Variants in PSD2 observed in about 807,000 individuals in gnomAD.
PSD2 encodes pleckstrin and Sec7 domain containing 2.
Under a neutral mutation model 69.8 loss-of-function variants are expected in PSD2, and 38 were observed. The ratio of observed to expected loss-of-function variants is 0.54; its 90% CI spans 0.42 to 0.71. PSD2 has a LOEUF of 0.71. PSD2 is among the 30% of genes least tolerant of loss of function. The probability of loss-of-function intolerance (pLI) is 0.00; values close to 1 mark genes in which losing one functional copy is unlikely to be tolerated. For missense variants in PSD2, 943 were observed against 1,014.5 expected (o/e 0.93, Z 0.96); for synonymous variants, 412 against 423.0 (o/e 0.97, Z 0.32).
chr5:139,805,020 C>CGT (rs111560485), intron 1 of PSD2, among the ~76,000 whole-genome samples: 4 of 150,324 alleles, frequency 2.7e-5, no homozygotes, highest in East Asian at 2.0e-4. Flanking sequence ...TGAGTGTGTG[C>CGT]GTGTGTGTGT....
Position 139,837,065 on chromosome 5 carries a change from C to T in PSD2, c.1594+64C>T. 1.3e-6 allele frequency: 2 copies of T among 1,593,870 alleles called. No individual in the cohort carries two copies. The highest frequency in any genetic ancestry group is 1.3e-5 in the African/African-American group (1 of 74,736). Reference sequence around the variant, plus strand: ...TGGCACAGAGGGGGGCGCCACGGGCCACTCTTTGGGGACGAACATACAGGT... The same window carrying T: ...TGGCACAGAGGGGGGCGCCACGGGCTACTCTTTGGGGACGAACATACAGGT... On this transcript the variant is annotated intron_variant, in intron 10 of 14. Coordinates refer to ENST00000274710, the MANE Select transcript of PSD2 (RefSeq NM_032289.4). This position sits in a 1 kb window ranked among gnomAD's most constrained non-coding sequence, Gnocchi z 5.0.
chr5:139,833,680 C>T (rs751641035), intron 7 of PSD2, 22 bp from the exon 8 acceptor site: 4 of 1,588,134 alleles, frequency 2.5e-6, no homozygotes, highest in South Asian at 1.1e-5. Flanking sequence ...TACTCTTAGG[C>T]AGAACCATTT....
Position 139,842,496 on chromosome 5 carries a change from C to T in PSD2, c.*22C>T. On this transcript the variant is annotated 3_prime_UTR_variant, in exon 15 of 15. Coordinates refer to ENST00000274710, the MANE Select transcript of PSD2 (RefSeq NM_032289.4). ...TTAGCTGACATGGATTTGCAGACCC[C>T]AGGGTGGGCAGATGTCTCCAGTGGG... 1 of 1,605,086 alleles carries T rather than the reference C, an allele frequency of 6.2e-7. No homozygotes were observed.
intron 7 of PSD2, among the ~76,000 whole-genome samples, chr5:139,828,948 C>G (rs1203997455): frequency 7.2e-6 from 1 of 137,956 alleles, no homozygotes; most frequent in African/African-American, 2.7e-5. Flanking sequence ...TTCCTCTGCT[C>G]GGAGACAGAG....
At chr5:139,766,402 C>T in the PSD2 span, among the ~76,000 whole-genome samples, 6 of 152,170 alleles carry the variant, frequency 3.9e-5, no homozygotes, top group African/African-American at 1.4e-4. Context: ...TTTTCACCTG[C>T]CTGGGCCTGT....
chr5:139,800,011 A>G (rs897138242), intron 1 of PSD2, among the ~76,000 whole-genome samples: 2 of 152,132 alleles, frequency 1.3e-5, no homozygotes, highest in Non-Finnish European at 2.9e-5. Flanking sequence ...TCATTTTGAG[A>G]TGCAGGCAGA....
the PSD2 span, among the ~76,000 whole-genome samples, chr5:139,750,235 G>C: frequency 3.5e-4 from 54 of 152,284 alleles, no homozygotes; most frequent in East Asian, 0.01. Context: ...TGAGGCAGGA[G>C]AATGGGGTGA....
chr5:139,822,058 C>T, intron 6 of PSD2, 53 bp downstream of exon 6: 1 of 1,194,024 alleles, frequency 8.4e-7, no homozygotes, highest in South Asian at 1.4e-5. Flanking sequence ...CAGCCAGGCC[C>T]TGGTCCCCTC....
intron 4 of PSD2, among the ~76,000 whole-genome samples, chr5:139,816,036 G>A (rs1022662756): frequency 5.2e-5 from 7 of 135,228 alleles, no homozygotes; most frequent in African/African-American, 1.1e-4. Context: ...AAACAAACAC[G>A]AAAGCAGAGG....
chr5:139,817,063 C>G (rs1760138756), intron 4 of PSD2, among the ~76,000 whole-genome samples: 2 of 152,246 alleles, frequency 1.3e-5, no homozygotes, highest in African/African-American at 2.4e-5. Flanking sequence ...AAAATACAGA[C>G]TGACCATCCC....
rs371355544 is a variant in PSD2 at position 139,813,768 on chromosome 5, G to A, written c.821+10G>A. On this transcript the variant is annotated intron_variant, in intron 3 of 14. Coordinates refer to ENST00000274710, the MANE Select transcript of PSD2 (RefSeq NM_032289.4). ...TGCTGAACTCAGCCAGGTGAGGCAG[G>A]GCCCAGGCTGGGAGAACCACCGAGC... 3.8e-4 allele frequency: 607 copies of A among 1,587,056 alleles called. 1 individual carries two copies. Among genetic ancestry groups the A allele is most frequent in the Non-Finnish European group, 5.1e-4 (589 of 1,165,042 alleles).
At chr5:139,830,616 T>TTTTTTCTTTC (rs1760566047) in intron 7 of PSD2, among the ~76,000 whole-genome samples, 1 of 90,424 alleles carries the variant, frequency 1.1e-5, no homozygotes, top group Non-Finnish European at 2.1e-5. Context: ...TTCTCTTTCT[T>TTTTTTCTTTC]TCTTTCTTTC....
the PSD2 span, among the ~76,000 whole-genome samples, chr5:139,787,647 CA>C: frequency 6.6e-6 from 1 of 152,230 alleles, no homozygotes; most frequent in Non-Finnish European, 1.5e-5. Context: ...GCCCCGACCC[CA>C]AAAGAGCCCC....
At chr5:139,803,221 C>G (rs923362212) in intron 1 of PSD2, among the ~76,000 whole-genome samples, 2 of 152,344 alleles carry the variant, frequency 1.3e-5, no homozygotes, top group South Asian at 2.1e-4. Context: ...CTCTGGCCCC[C>G]CTCCTGGCCC....
At chr5:139,776,288 G>T in the PSD2 span, among the ~76,000 whole-genome samples, 2 of 152,226 alleles carry the variant, frequency 1.3e-5, no homozygotes, top group Admixed American at 6.5e-5. Context: ...TACAACCAGG[G>T]TCCCCCTAAA....
In PSD2 at chr5:139,837,887, TC is replaced by T; in HGVS notation, c.1823+107del. The T allele has an allele frequency of 1.8e-6, 2 of 1,136,140 alleles. No homozygotes were observed. Among genetic ancestry groups the T allele is most frequent in the Non-Finnish European group, 2.5e-6 (2 of 799,958 alleles). 70.4% of individuals were successfully genotyped at this position (1,136,140 alleles called of 1,614,324 possible). On this transcript the variant is annotated intron_variant, in intron 12 of 14. Transcript: ENST00000274710. This position sits in a 1 kb window ranked among gnomAD's most constrained non-coding sequence, Gnocchi z 5.0. ...GTGAGTCAGCAACAGAGCATGTGTATCCACATGACACAGACCGACAGCTGGG... is the reference window on the plus strand; with the variant it reads ...GTGAGTCAGCAACAGAGCATGTGTATCACATGACACAGACCGACAGCTGGG...
the PSD2 span, among the ~76,000 whole-genome samples, chr5:139,759,775 C>T: frequency 2.0e-5 from 3 of 152,258 alleles, no homozygotes; most frequent in Non-Finnish European, 4.4e-5. Context: ...GTTTCTTCCA[C>T]GAAGACCCTG....
the PSD2 span, among the ~76,000 whole-genome samples, chr5:139,768,603 A>G: frequency 6.6e-6 from 1 of 151,984 alleles, no homozygotes; most frequent in Admixed American, 6.6e-5. Flanking sequence ...CATGCCTGTA[A>G]TCCCAGCTAT....
Position 139,836,899 on chromosome 5 carries a change from G to C in PSD2, c.1492G>C (p.Gly498Arg). The change falls in exon 10 of 15, where the codon GGT becomes CGT. Residue 498 changes from glycine to arginine, a missense_variant. Gly to Arg is a moderately radical substitution (Grantham distance 125). This residue lies in a region of PSD2 where 312 missense variants were observed against 400.7 expected (regional missense o/e 0.78). Coordinates refer to ENST00000274710, the MANE Select transcript of PSD2 (RefSeq NM_032289.4). ...GTKKVTRILD[G>R]GNPFLDVPQA... is the part of the protein sequence containing the mutation. Reference sequence around the variant, plus strand: ...GAAGAAGGTGACGCGAATCCTGGATGGTGGCAACCCCTTCCTGGATGTCCC... The same window carrying C: ...GAAGAAGGTGACGCGAATCCTGGATCGTGGCAACCCCTTCCTGGATGTCCC... The C allele has an allele frequency of 6.2e-7, 1 of 1,614,176 alleles. No individual in the cohort carries two copies. The highest frequency in any genetic ancestry group is 8.5e-7 in the Non-Finnish European group (1 of 1,180,024).
Sources: gnomAD v4.1 joint callset for allele counts (sites outside exome capture counted in the v4.1 genomes callset) on GRCh38, gnomAD v4.1.1 for gene constraint, gnomAD v4.1.1 regional missense constraint, Gnocchi (gnomAD v3.1) non-coding constraint, MANE v1.5 for transcripts, NCBI Gene and HGNC (gene_info 2026-07-23, HGNC 2026-07-21) for gene names.